CD99: variants seen among roughly 807,000 people sequenced by gnomAD.
CD99 encodes the protein CD99 molecule (Xg blood group).
In CD99, 19 loss-of-function variants were observed where a neutral mutation model predicts 28.4. The ratio of observed to expected loss-of-function variants is 0.67; its 90% CI spans 0.47 to 0.98. CD99 has a LOEUF of 0.98. Among genes scored for constraint, CD99 ranks in the 50% least tolerant of loss-of-function variants. The probability of loss-of-function intolerance (pLI) is 0.00; values close to 1 mark genes in which losing one functional copy is unlikely to be tolerated. For missense variants in CD99, 283 were observed against 248.8 expected, an observed-to-expected ratio of 1.14 and a Z score of -0.92; for synonymous variants, 103 against 92.1, an observed-to-expected ratio of 1.12 and a Z score of -0.67.
At chrX:2,691,669 CTTACA>C (rs1569421333) in intron 1 of CD99, 1 of 704,412 alleles carries the variant, frequency 1.4e-6, no homozygotes, top group Non-Finnish European at 2.6e-6. Context: ...GTTGCAAACT[CTTACA>C]TGTGGGGCGG....
chrX:2,693,189 CTGGAGTG>C lies in CD99; in HGVS notation c.67+1764_67+1770del, dbSNP rs774836672. On this transcript the variant is annotated intron_variant, in intron 1 of 9. Transcript: ENST00000381192. ...GACGGAGTTTCACTCTGTCACCAGT[CTGGAGTG>C]TAGTGGCACGATGTCGGCTCATTGG... 5.9e-5 allele frequency among the ~76,000 whole-genome samples: 9 copies of C among 151,444 alleles called. No individual in the cohort carries two copies. The South Asian group carries it at 1.9e-3, about 32-fold the overall frequency.
rs767378845 is a variant in CD99 at position 2,726,218 on chromosome X, C to T, written c.362-42C>T. On this transcript the variant is annotated intron_variant, in intron 7 of 9. Transcript: ENST00000381192. ...CTGCCCCCTGGGATCTTCTCTGCAC[C>T]GTGCGTGTCTCAATCACGATGCTGT... The T allele has an allele frequency of 2.2e-5, 27 of 1,231,038 alleles. No individual in the cohort carries two copies. In the African/African-American group the frequency reaches 2.7e-4, roughly 12 times the overall value. The allele number at this position is 1,231,038 out of a possible 1,614,324, so 76.3% of individuals were successfully genotyped here. A position where few individuals can be genotyped will look rare whatever the true frequency, so the allele number is the denominator to read the frequency against.
At chrX:2,716,016 A>ATTTTT in intron 2 of CD99, among the ~76,000 whole-genome samples, 1 of 129,192 alleles carries the variant, frequency 7.7e-6, no homozygotes, top group Non-Finnish European at 1.7e-5. Context: ...AGCCCTCTTC[A>ATTTTT]TTTTTTTTTT....
intron 1 of CD99, among the ~76,000 whole-genome samples, chrX:2,694,756 GA>G (rs928806695): frequency 4.4e-4 from 64 of 145,194 alleles, no homozygotes; most frequent in East Asian, 3.4e-3. Flanking sequence ...CAGTCTCAAA[GA>G]AAAAAAAAAA....
At chrX:2,725,721 C>G (rs921007925) in intron 7 of CD99, among the ~76,000 whole-genome samples, 16 of 152,186 alleles carry the variant, frequency 1.1e-4, no homozygotes, top group African/African-American at 3.9e-4. Flanking sequence ...TCAAGCGATT[C>G]TCTGGACTCA....
chrX:2,726,065 G>T (rs1384156840), intron 7 of CD99, among the ~76,000 whole-genome samples, 195 bp from the exon 8 acceptor site: 1 of 152,168 alleles, frequency 6.6e-6, no homozygotes, highest in Admixed American at 6.5e-5. Flanking sequence ...CGTGCGATGG[G>T]AGATTGTGCC....
At chrX:2,705,782 A>G (rs749678031) in intron 1 of CD99, among the ~76,000 whole-genome samples, 8 of 152,282 alleles carry the variant, frequency 5.3e-5, no homozygotes, top group African/African-American at 7.2e-5. Flanking sequence ...AAAAGAGGAC[A>G]ATACTTCCAG....
chrX:2,729,229 A>T (rs2049463793), intron 8 of CD99, among the ~76,000 whole-genome samples: 1 of 152,200 alleles, frequency 6.6e-6, no homozygotes, highest in Non-Finnish European at 1.5e-5. Flanking sequence ...AGGTCAACCC[A>T]AATTGGATTC....
chrX:2,724,327 G>A (rs889632543), intron 7 of CD99, among the ~76,000 whole-genome samples: 2 of 152,008 alleles, frequency 1.3e-5, no homozygotes, highest in Admixed American at 1.3e-4. Context: ...TTAAAAACTG[G>A]CCGAGTGAAC....
At position 2,720,432 on chromosome X, in the gene CD99, T is replaced by C. The variant is rs745764027; in HGVS notation, c.262+8T>C. The C allele has an allele frequency of 6.2e-7, 1 of 1,611,198 alleles. No individual in the cohort carries two copies. On this transcript the variant is annotated splice_region_variant and intron_variant, in intron 5 of 9. Coordinates refer to ENST00000381192, the MANE Select transcript of CD99 (RefSeq NM_002414.5). ...ACCACCCTAGTTCCTCCGGTAAGAG[T>C]CTCTGACCCTGTGGGATGTCTTCAT...
chrX:2,737,054 G>T, intron 8 of CD99, among the ~76,000 whole-genome samples: 1 of 152,128 alleles, frequency 6.6e-6, no homozygotes, highest in African/African-American at 2.4e-5. Flanking sequence ...AGGTAGAAGG[G>T]GGGACAGGAG....
rs770458307 is a variant in CD99 at position 2,740,868 on chromosome X, T to G, written c.*64T>G. ...GGTTAGAACAGCTGCCTGAGGCTCC[T>G]CCCTGAAGGACACCTGCCTGAGAGC... is the stretch of plus-strand genomic sequence containing the variant. On this transcript the variant is annotated 3_prime_UTR_variant, in exon 10 of 10. Coordinates refer to ENST00000381192, the MANE Select transcript of CD99 (RefSeq NM_002414.5). The G allele has an allele frequency of 6.2e-5, 97 of 1,569,260 alleles. No individual in the cohort carries two copies. Among genetic ancestry groups the G allele is most frequent in the Non-Finnish European group, 5.3e-6 (6 of 1,139,018 alleles).
chrX:2,696,810 G>T (rs1384357847), intron 1 of CD99, among the ~76,000 whole-genome samples: 1 of 152,104 alleles, frequency 6.6e-6, no homozygotes, highest in Non-Finnish European at 1.5e-5. Flanking sequence ...TTCCTGTTCA[G>T]TATTCTTTCT....
At chrX:2,721,306 C>T (rs2048981653) in intron 5 of CD99, among the ~76,000 whole-genome samples, 1 of 150,706 alleles carries the variant, frequency 6.6e-6, no homozygotes, top group Non-Finnish European at 1.5e-5. Context: ...TTTTTTGAGA[C>T]AGGGTCTCAC....
At position 2,726,247 on chromosome X, in the gene CD99, CT is replaced by C; in HGVS notation, c.362-11del. ...CGTGTCTCAATCACGATGCTGTGTG[CT>C]TCCTCCTGCAGCCGACGCCCCAGGC... On this transcript the variant is annotated splice_polypyrimidine_tract_variant and intron_variant, in intron 7 of 9. Transcript: ENST00000381192. 6.4e-7 allele frequency: 1 copy of C among 1,560,890 alleles called. No homozygotes were observed. The highest frequency in any genetic ancestry group is 8.8e-7 in the Non-Finnish European group (1 of 1,133,334).
intron 8 of CD99, among the ~76,000 whole-genome samples, chrX:2,732,680 CTTCT>C (rs1212569565): frequency 6.9e-6 from 1 of 145,682 alleles, no homozygotes; most frequent in African/African-American, 2.5e-5. Context: ...TCCTTTCTTC[CTTCT>C]CTTTTCTTCT....
chrX:2,723,634 C>T (rs1256714134), intron 7 of CD99, among the ~76,000 whole-genome samples: 2 of 152,168 alleles, frequency 1.3e-5, no homozygotes, highest in African/African-American at 2.4e-5. Context: ...CCCTACATCA[C>T]GCTTCGCCTT....
At chrX:2,721,072 C>T (rs2048971718) in intron 5 of CD99, among the ~76,000 whole-genome samples, 1 of 151,562 alleles carries the variant, frequency 6.6e-6, no homozygotes, top group Non-Finnish European at 1.5e-5. Context: ...TCTTTCTGCC[C>T]TTAAATATTT....
chrX:2,692,115 C>A, intron 1 of CD99: 1 of 594,958 alleles, frequency 1.7e-6, no homozygotes. Flanking sequence ...GAAAGAGCCA[C>A]GGTCACCCTC....
Sources: allele counts gnomAD v4.1 joint callset (sites outside exome capture counted in the v4.1 genomes callset), GRCh38; gene constraint gnomAD v4.1.1; transcripts MANE v1.5; gene names NCBI Gene and HGNC (gene_info 2026-07-23, HGNC 2026-07-21).